The following MAN1A2 variants were observed in gnomAD, a reference collection of about 807,000 sequenced individuals.
MAN1A2 encodes the protein mannosyl-oligosaccharide 1,2-alpha-mannosidase IB.
A neutral mutation model predicts 75.7 loss-of-function variants in MAN1A2; 26 were observed. The observed-to-expected ratio is 0.34, with a 90% confidence interval of 0.25 to 0.48. The LOEUF (loss-of-function observed/expected upper bound fraction) is 0.48, where lower values mean the gene tolerates loss of function less well. MAN1A2 is among the 20% of genes least tolerant of loss of function. MAN1A2 has a pLI of 0.99. For missense variants in MAN1A2, 562 were observed against 775.5 expected (o/e 0.72, Z 3.27); for synonymous variants, 247 against 264.6 (o/e 0.93, Z 0.65).
At chr1:117,438,625 A>G (rs1648926754) in intron 5 of MAN1A2, among the ~76,000 whole-genome samples, 1 of 152,220 alleles carries the variant, frequency 6.6e-6, no homozygotes, top group African/African-American at 2.4e-5. Context: ...TGCCCTGTAC[A>G]GATATACCAT....
chr1:117,458,520 T>TAG lies in MAN1A2; in HGVS notation c.951-1968_951-1967insGA, dbSNP rs1161130597. Among the ~76,000 whole-genome samples, 244 of 98,382 alleles carry TAG rather than the reference T, an allele frequency of 2.5e-3. 4 individuals are homozygous for TAG. The highest frequency in any genetic ancestry group is 6.7e-3 in the African/African-American group (145 of 21,784). The allele number at this position is 98,382 out of a possible 152,430, so 64.5% of individuals were successfully genotyped here. A position where few individuals can be genotyped will look rare whatever the true frequency, so the allele number is the denominator to read the frequency against. ...ATCTATATATATATATAGATATATA[T>TAG]ATATTTTTTTTTTTTTTTTTGAGAC... On this transcript the variant is annotated intron_variant, in intron 6 of 12. Coordinates refer to ENST00000356554, the MANE Select transcript of MAN1A2 (RefSeq NM_006699.5).
chr1:117,430,342 T>TCG (rs1648586285), intron 5 of MAN1A2, among the ~76,000 whole-genome samples: 1 of 115,834 alleles, frequency 8.6e-6, no homozygotes. Context: ...ACGGGGTGGC[T>TCG]GCCGGGCGGA....
intron 4 of MAN1A2, among the ~76,000 whole-genome samples, chr1:117,417,557 A>ATATATATATATATGTG (rs1214425551): frequency 7.1e-6 from 1 of 140,746 alleles, no homozygotes; most frequent in African/African-American, 2.6e-5. Flanking sequence ...ATATATATAT[A>ATATATATATATATGTG]TGTGATATAT....
intron 8 of MAN1A2, among the ~76,000 whole-genome samples, chr1:117,471,349 T>C (rs945730280): frequency 6.6e-6 from 1 of 151,962 alleles, no homozygotes; most frequent in Non-Finnish European, 1.5e-5. Flanking sequence ...CAAATTAGTT[T>C]TTATTCTAGA....
At chr1:117,389,016 A>C (rs1324567257) in intron 1 of MAN1A2, among the ~76,000 whole-genome samples, 1 of 152,130 alleles carries the variant, frequency 6.6e-6, no homozygotes, top group Non-Finnish European at 1.5e-5. Context: ...AAAATATACA[A>C]ATTTTTGGTA....
At chr1:117,522,369 A>G (rs1297182118) in intron 12 of MAN1A2, among the ~76,000 whole-genome samples, 1 of 151,844 alleles carries the variant, frequency 6.6e-6, no homozygotes, top group African/African-American at 2.4e-5. Flanking sequence ...AAAATAGACC[A>G]CCTCAGTAGA....
rs938763220 is a variant in MAN1A2 at position 117,523,885 on chromosome 1, T to C, written c.*928T>C. 2 of 152,036 alleles carry C rather than the reference T, an allele frequency of 1.3e-5. No homozygotes were observed. Among genetic ancestry groups the C allele is most frequent in the African/African-American group, 4.8e-5 (2 of 41,410 alleles). The allele number at this position is 152,036 out of a possible 1,614,324, so 9.4% of individuals were successfully genotyped here. ...ATTCACTTTAATTTCATAATAAAGT[T>C]AGTAGAGTCACTCAACTTACAACTT... is the stretch of plus-strand genomic sequence containing the variant. On this transcript the variant is annotated 3_prime_UTR_variant, in exon 13 of 13. Transcript: ENST00000356554.
chr1:117,492,322 C>G (rs1483909279), intron 8 of MAN1A2, among the ~76,000 whole-genome samples: 1 of 152,098 alleles, frequency 6.6e-6, no homozygotes, highest in Non-Finnish European at 1.5e-5. Context: ...CCATTATCAT[C>G]AAGGCAAGAC....
At chr1:117,412,209 G>C (rs1229109789) in intron 3 of MAN1A2, among the ~76,000 whole-genome samples, 1 of 151,408 alleles carries the variant, frequency 6.6e-6, no homozygotes, top group Non-Finnish European at 1.5e-5. Context: ...TGTGTTTTTC[G>C]GTCTGTTTAG....
intron 5 of MAN1A2, among the ~76,000 whole-genome samples, chr1:117,432,165 A>T (rs111341861): frequency 1.3e-5 from 2 of 152,246 alleles, no homozygotes; most frequent in African/African-American, 4.8e-5. Flanking sequence ...AGCTAAATTG[A>T]TCAAGAAATA....
chr1:117,368,143 G>T lies in MAN1A2; in HGVS notation c.-41G>T. 6.5e-7 allele frequency: 1 copy of T among 1,537,176 alleles called. No individual in the cohort carries two copies. Reference sequence around the variant, plus strand: ...TCAATGTATTCTACATTTGACATAAGATGAGAACTTTCTAAAGTATTCTCT... The same window carrying T: ...TCAATGTATTCTACATTTGACATAATATGAGAACTTTCTAAAGTATTCTCT... On this transcript the variant is annotated 5_prime_UTR_variant, in exon 1 of 13. Coordinates refer to ENST00000356554, the MANE Select transcript of MAN1A2 (RefSeq NM_006699.5).
intron 5 of MAN1A2, among the ~76,000 whole-genome samples, chr1:117,432,882 G>T (rs1050540597): frequency 6.8e-6 from 1 of 147,296 alleles, no homozygotes; most frequent in African/African-American, 2.5e-5. Flanking sequence ...TAATATAAAA[G>T]ATATATATAT....
intron 1 of MAN1A2, among the ~76,000 whole-genome samples, chr1:117,374,619 CAG>C (rs1290649489): frequency 6.6e-6 from 1 of 152,096 alleles, no homozygotes; most frequent in African/African-American, 2.4e-5. Flanking sequence ...ACATTGGACT[CAG>C]TGTTAAGAGA....
rs186876241 is a variant in MAN1A2, at chr1:117,380,222, G to A, written c.302+11737G>A. Among the ~76,000 whole-genome samples, 5 of 152,282 alleles carry A rather than the reference G, an allele frequency of 3.3e-5. No homozygotes were observed. In the East Asian group the frequency reaches 9.6e-4, roughly 29 times the overall value. On this transcript the variant is annotated intron_variant, in intron 1 of 12. Coordinates refer to ENST00000356554, the MANE Select transcript of MAN1A2 (RefSeq NM_006699.5). The stretch of plus-strand genomic sequence containing the variant: ...ATGATGAATTGAATGAATGAGTAAT[G>A]ATGAATAGGAATGAATAATCATGTT...
intron 7 of MAN1A2, among the ~76,000 whole-genome samples, chr1:117,462,870 A>G (rs1649864125): frequency 6.6e-6 from 1 of 152,124 alleles, no homozygotes; most frequent in African/African-American, 2.4e-5. Context: ...ACTCAAGACT[A>G]CAGATACATC....
At position 117,526,331 on chromosome 1, in the gene MAN1A2, T is replaced by G. The variant is rs1413118963; in HGVS notation, c.*3374T>G. 1 of 151,848 alleles carries G rather than the reference T, an allele frequency of 6.6e-6. No individual in the cohort carries two copies. The highest frequency in any genetic ancestry group is 2.1e-4 in the South Asian group (1 of 4,828). 9.4% of individuals were successfully genotyped at this position (151,848 alleles called of 1,614,324 possible). On this transcript the variant is annotated 3_prime_UTR_variant, in exon 13 of 13. Transcript: ENST00000356554. Reference sequence around the variant, plus strand: ...CTGTATGAGAGTAGCTCACAACATTTTAAATGTTTCCAATATGAATCGTGT... The same window carrying G: ...CTGTATGAGAGTAGCTCACAACATTGTAAATGTTTCCAATATGAATCGTGT...
intron 1 of MAN1A2, among the ~76,000 whole-genome samples, chr1:117,396,214 C>G (rs577371544): frequency 6.6e-6 from 1 of 152,300 alleles, no homozygotes; most frequent in South Asian, 2.1e-4. Flanking sequence ...ACATGGCCAG[C>G]TTTTGCTTTA....
chr1:117,406,262 TAA>T (rs1647611159), intron 3 of MAN1A2, among the ~76,000 whole-genome samples: 1 of 152,186 alleles, frequency 6.6e-6, no homozygotes, highest in Non-Finnish European at 1.5e-5. Context: ...AACCCAAAGG[TAA>T]GTCTTCAGAA....
intron 7 of MAN1A2, among the ~76,000 whole-genome samples, chr1:117,464,384 A>C (rs1016025575): frequency 6.6e-6 from 1 of 151,774 alleles, no homozygotes; most frequent in African/African-American, 2.4e-5. Flanking sequence ...AACACTGCAA[A>C]TTCCATTTCT....
Sources: allele counts gnomAD v4.1 joint callset (sites outside exome capture counted in the v4.1 genomes callset), GRCh38; gene constraint gnomAD v4.1.1; transcripts MANE v1.5; gene names NCBI Gene and HGNC (gene_info 2026-07-23, HGNC 2026-07-21).